Variants in FSIP1 observed in about 807,000 individuals in gnomAD.
FSIP1 encodes fibrous sheath-interacting protein 1.
Under a neutral mutation model 60.9 loss-of-function variants are expected in FSIP1, and 65 were observed. That is an observed-to-expected ratio of 1.07 (90% confidence interval 0.87 to 1.31). FSIP1 has a LOEUF of 1.31. FSIP1 is among the 40% of genes most tolerant of loss of function. The probability of loss-of-function intolerance (pLI) is 0.00; values close to 1 mark genes in which losing one functional copy is unlikely to be tolerated. For synonymous variants in FSIP1, 209 were observed against 221.2 expected, an observed-to-expected ratio of 0.94 and a Z score of 0.49; for missense variants, 675 against 665.5, an observed-to-expected ratio of 1.01 and a Z score of -0.16.
intron 10 of FSIP1, among the ~76,000 whole-genome samples, chr15:39,640,942 C>T (rs1441883634): frequency 6.6e-6 from 1 of 152,180 alleles, no homozygotes; most frequent in Admixed American, 6.5e-5. Context: ...TCAATCTCAT[C>T]TGCCTTTAAG....
chr15:39,638,548 C>A (rs569194543), intron 10 of FSIP1, among the ~76,000 whole-genome samples: 1 of 152,168 alleles, frequency 6.6e-6, no homozygotes, highest in African/African-American at 2.4e-5. Context: ...GGTATGTAGT[C>A]TTCTCTCTTG....
At chr15:39,748,917 A>C (rs1283232102) in intron 5 of FSIP1, among the ~76,000 whole-genome samples, 2 of 152,038 alleles carry the variant, frequency 1.3e-5, no homozygotes, top group Non-Finnish European at 2.9e-5. Context: ...CAAAAGTTAG[A>C]CTAAGAAAAA....
At chr15:39,674,059 T>C (rs1566879547) in intron 10 of FSIP1, among the ~76,000 whole-genome samples, 1 of 151,860 alleles carries the variant, frequency 6.6e-6, no homozygotes, top group Admixed American at 6.6e-5. Context: ...GATTTAATTT[T>C]TTTTTTTTTT....
At chr15:39,694,611 G>A (rs1894736538) in intron 10 of FSIP1, among the ~76,000 whole-genome samples, 1 of 151,974 alleles carries the variant, frequency 6.6e-6, no homozygotes. Context: ...GACCAGCCTG[G>A]CCAACATGGG....
intron 5 of FSIP1, among the ~76,000 whole-genome samples, chr15:39,751,738 T>C (rs1448147980): frequency 6.6e-6 from 1 of 152,006 alleles, no homozygotes; most frequent in African/African-American, 2.4e-5. Context: ...AAAGATCTAA[T>C]GTACAACTCA....
At position 39,770,587 on chromosome 15, in the gene FSIP1, G is replaced by C; in HGVS notation, c.150C>G (p.Asn50Lys). The C allele has an allele frequency of 6.5e-7, 1 of 1,536,720 alleles. No individual in the cohort carries two copies. Reference protein sequence around the residue: ...SFKVDTASNLNSGKEDHSESS... With the variant: ...SFKVDTASNLKSGKEDHSESS... Reference sequence around the variant, plus strand: ...TTTCGGAGTGGTCCTCTTTACCAGAGTTCAAGTTGCTTGCAGTATCGACCT... The same window carrying C: ...TTTCGGAGTGGTCCTCTTTACCAGACTTCAAGTTGCTTGCAGTATCGACCT... Residue 50 changes from asparagine (N) to lysine (K), a missense_variant, in exon 3 of 12, where the codon AAC becomes AAG. Coordinates refer to ENST00000350221, the MANE Select transcript of FSIP1 (RefSeq NM_152597.5).
At chr15:39,641,166 C>T (rs1280245333) in intron 10 of FSIP1, among the ~76,000 whole-genome samples, 1 of 152,036 alleles carries the variant, frequency 6.6e-6, no homozygotes, top group Admixed American at 6.5e-5. Context: ...GAAGGGAATG[C>T]ATAAGGAAGC....
chr15:39,686,071 C>T (rs955586169), intron 10 of FSIP1, among the ~76,000 whole-genome samples: 4 of 152,172 alleles, frequency 2.6e-5, no homozygotes, highest in Non-Finnish European at 5.9e-5. Context: ...ATTTCAGTGA[C>T]CACAAAGTAA....
intron 10 of FSIP1, among the ~76,000 whole-genome samples, chr15:39,675,487 C>G (rs1893901427): frequency 1.3e-5 from 2 of 152,116 alleles, no homozygotes; most frequent in South Asian, 4.1e-4. Context: ...TAGGTACATT[C>G]TCACTATGGA....
At chr15:39,672,829 C>A (rs757667221) in intron 10 of FSIP1, among the ~76,000 whole-genome samples, 12 of 152,172 alleles carry the variant, frequency 7.9e-5, no homozygotes, top group Non-Finnish European at 1.3e-4. Flanking sequence ...GTCCTCCCAA[C>A]AAGCTAGAAG....
intron 5 of FSIP1, among the ~76,000 whole-genome samples, chr15:39,744,748 G>GTCTC (rs796166106): frequency 1.4e-5 from 2 of 141,958 alleles, no homozygotes; most frequent in South Asian, 2.2e-4. Context: ...CTGTCTGTCT[G>GTCTC]TCTCTCTCTC....
chr15:39,648,066 C>A (rs1892696579), intron 10 of FSIP1, among the ~76,000 whole-genome samples: 1 of 150,434 alleles, frequency 6.6e-6, no homozygotes. Flanking sequence ...ATACCTAAGG[C>A]TAGATGACGA....
intron 10 of FSIP1, among the ~76,000 whole-genome samples, chr15:39,701,926 G>C (rs1199844794): frequency 2.0e-5 from 3 of 152,188 alleles, no homozygotes; most frequent in Non-Finnish European, 4.4e-5. Flanking sequence ...CTTCCAGAGA[G>C]ATTTCCCTTT....
chr15:39,629,857 C>G (rs1006108912), intron 10 of FSIP1, among the ~76,000 whole-genome samples: 3 of 152,240 alleles, frequency 2.0e-5, no homozygotes, highest in Admixed American at 6.5e-5. Context: ...TCAGGCCACA[C>G]TGGGCAAAGT....
chr15:39,656,812 T>A (rs1415675792), intron 10 of FSIP1, among the ~76,000 whole-genome samples: 1 of 152,226 alleles, frequency 6.6e-6, no homozygotes, highest in Non-Finnish European at 1.5e-5. Context: ...AAAAAATGTT[T>A]ATAAGAACAA....
At chr15:39,745,781 C>G (rs1290263366) in intron 5 of FSIP1, among the ~76,000 whole-genome samples, 2 of 151,672 alleles carry the variant, frequency 1.3e-5, no homozygotes, top group African/African-American at 4.8e-5. Flanking sequence ...ATTTTTTTTT[C>G]ATCAATGTTA....
At chr15:39,631,008 A>G (rs1891861589) in intron 10 of FSIP1, among the ~76,000 whole-genome samples, 1 of 152,198 alleles carries the variant, frequency 6.6e-6, no homozygotes. Flanking sequence ...AGGCTGTGCC[A>G]TCCCAGTACC....
At chr15:39,769,526 T>C (rs1897811104) in intron 3 of FSIP1, among the ~76,000 whole-genome samples, 1 of 152,208 alleles carries the variant, frequency 6.6e-6, no homozygotes, top group Admixed American at 6.5e-5. Flanking sequence ...ATTATAAAAG[T>C]GGCCAGTTCA....
chr15:39,774,493 A>G (rs1335938770), intron 2 of FSIP1, among the ~76,000 whole-genome samples: 1 of 151,786 alleles, frequency 6.6e-6, no homozygotes, highest in African/African-American at 2.4e-5. Flanking sequence ...AAAAAAATAC[A>G]TACAGAGGAG....
Sources: gnomAD v4.1 joint callset for allele counts (sites outside exome capture counted in the v4.1 genomes callset) on GRCh38, gnomAD v4.1.1 for gene constraint, MANE v1.5 for transcripts, NCBI Gene and HGNC (gene_info 2026-07-23, HGNC 2026-07-21) for gene names.